Variants in RBFOX1 observed in about 807,000 individuals in gnomAD.
The protein encoded by RBFOX1 is RNA binding fox-1 homolog 1.
RBFOX1 carries 8 observed loss-of-function variants against 57.7 expected under a neutral mutation model. That is an observed-to-expected ratio of 0.14 (90% CI 0.08 to 0.25). The LOEUF (loss-of-function observed/expected upper bound fraction) is 0.25. Among genes scored for constraint, RBFOX1 ranks in the 10% least tolerant of loss-of-function variants. The probability of loss-of-function intolerance (pLI) is 1.00; values close to 1 mark genes in which losing one functional copy is unlikely to be tolerated. For missense variants in RBFOX1, 611 were observed against 548.5 expected (o/e 1.11, Z -1.14); for synonymous variants, 326 against 222.4 (o/e 1.47, Z -4.15).
chr16:7,692,091 C>A (rs73496960), intron 14 of RBFOX1, among the ~76,000 whole-genome samples: 2 of 152,064 alleles, frequency 1.3e-5, no homozygotes, highest in Non-Finnish European at 2.9e-5. Flanking sequence ...CATAGGGAAT[C>A]TGGGGCCAGA....
At chr16:5,507,313 C>G (rs530659808) in intron 2 of RBFOX1, among the ~76,000 whole-genome samples, 2 of 152,188 alleles carry the variant, frequency 1.3e-5, no homozygotes, top group South Asian at 2.1e-4. Flanking sequence ...TGTTGATTTT[C>G]TCTCACTGCT....
rs149415564 is a variant in RBFOX1 at position 5,977,486 on chromosome 16, T to C, written c.351+110151T>C. ...AGTTCGAAATGGAGAGACACGTACT[T>C]GGGGCCTTGCCAAGTCGCTCTGGAG... is the stretch of plus-strand genomic sequence containing the variant. On this transcript the variant is annotated intron_variant, in intron 4 of 19. Coordinates refer to the RBFOX1 transcript ENST00000641259. Among the ~76,000 whole-genome samples the C allele has an allele frequency of 4.1e-3, 619 of 152,220 alleles. 4 individuals carry two copies. Among genetic ancestry groups the C allele is most frequent in the African/African-American group, 0.013 (552 of 41,552 alleles).
At chr16:5,340,459 A>G (rs546908034) in intron 1 of RBFOX1, among the ~76,000 whole-genome samples, 1 of 152,352 alleles carries the variant, frequency 6.6e-6, no homozygotes, top group African/African-American at 2.4e-5. Context: ...ATGATCTGTC[A>G]GGGATTGCTG....
chr16:7,083,563 G>A (rs1471307493), intron 4 of RBFOX1, among the ~76,000 whole-genome samples: 3 of 152,100 alleles, frequency 2.0e-5, no homozygotes, highest in Non-Finnish European at 2.9e-5. Flanking sequence ...TTCTTTGTTG[G>A]CTTTCTCAGA....
chr16:5,519,070 T>A (rs1401266031), intron 2 of RBFOX1, among the ~76,000 whole-genome samples: 3 of 152,150 alleles, frequency 2.0e-5, no homozygotes, highest in African/African-American at 7.2e-5. Context: ...GAAGCCATCT[T>A]CAGGCCAAGG....
chr16:6,826,566 G>A (rs1171383944), intron 3 of RBFOX1, among the ~76,000 whole-genome samples: 3 of 152,098 alleles, frequency 2.0e-5, no homozygotes, highest in Non-Finnish European at 4.4e-5. Flanking sequence ...GCGGGCATGC[G>A]TGCTCTCACG....
intron 1 of RBFOX1, among the ~76,000 whole-genome samples, chr16:6,266,234 G>T (rs191546986): frequency 6.6e-6 from 1 of 152,138 alleles, no homozygotes; most frequent in Admixed American, 6.5e-5. Flanking sequence ...ATAGCTAAAA[G>T]ACAGCCAACA....
chr16:6,401,038 C>T (rs1318544913), intron 2 of RBFOX1, among the ~76,000 whole-genome samples: 2 of 152,130 alleles, frequency 1.3e-5, no homozygotes, highest in African/African-American at 4.8e-5. Context: ...GCACAACTAG[C>T]TCCCAGATCT....
At chr16:5,378,626 G>A (rs2066051609) in intron 1 of RBFOX1, among the ~76,000 whole-genome samples, 2 of 151,508 alleles carry the variant, frequency 1.3e-5, no homozygotes, top group African/African-American at 4.9e-5. Context: ...CATGAGAATG[G>A]CCCTGGGTAA....
intron 2 of RBFOX1, among the ~76,000 whole-genome samples, chr16:6,619,764 C>A (rs1021174114): frequency 2.7e-5 from 4 of 147,764 alleles, no homozygotes; most frequent in Non-Finnish European, 4.4e-5. Flanking sequence ...CATAGGTAAA[C>A]CTGTGTCATG....
chr16:7,117,881 A>G (rs2066259589), intron 4 of RBFOX1, among the ~76,000 whole-genome samples: 1 of 152,134 alleles, frequency 6.6e-6, no homozygotes, highest in Non-Finnish European at 1.5e-5. Context: ...TAGCTGCAGG[A>G]TTCGTGGCTG....
In RBFOX1 at chr16:6,019,125, G is replaced by C; in HGVS notation, c.-994G>C. 1.0e-6 allele frequency: 1 copy of C among 984,726 alleles called. No individual in the cohort carries two copies. The highest frequency in any genetic ancestry group is 4.7e-5 in the South Asian group (1 of 21,192). 61.0% of individuals were successfully genotyped at this position (984,726 alleles called of 1,614,324 possible). A position where few individuals can be genotyped will look rare whatever the true frequency, so the allele number is the denominator to read the frequency against. ...CACACACATGCACACATTTTCTCGC[G>C]CTCTCTCCGGCTCTCCTTTGTTTAT... On this transcript the variant is annotated 5_prime_UTR_variant, in exon 1 of 16. Transcript: ENST00000550418. The surrounding 1 kb of genome is among the most constrained non-coding windows in gnomAD (Gnocchi z 4.2).
At position 5,767,759 on chromosome 16, in the gene RBFOX1, C is replaced by G. The variant is rs541528557; in HGVS notation, c.319-99544C>G. On this transcript the variant is annotated intron_variant, in intron 3 of 19. Coordinates refer to the RBFOX1 transcript ENST00000641259. ...TGCTGTAATTAGATATTTAAAGACC[C>G]TCATTAGTTGCCTTTGCTGGGCCTA... Among the ~76,000 whole-genome samples, 6 of 152,222 alleles carry G rather than the reference C, an allele frequency of 3.9e-5. No homozygotes were observed. The South Asian group carries it at 1.0e-3, about 26-fold the overall frequency.
At chr16:6,389,207 C>T (rs1298132233) in intron 2 of RBFOX1, among the ~76,000 whole-genome samples, 2 of 152,096 alleles carry the variant, frequency 1.3e-5, no homozygotes, top group Admixed American at 6.5e-5. Context: ...TTCTTTTCTC[C>T]TTCATAGAGC....
At chr16:5,317,028 C>T (rs755041146) in intron 1 of RBFOX1, among the ~76,000 whole-genome samples, 1 of 152,134 alleles carries the variant, frequency 6.6e-6, no homozygotes, top group Admixed American at 6.5e-5. Context: ...GGTTCTGGAG[C>T]CTTTGGGCTC....
chr16:7,421,235 A>C (rs959305233), intron 4 of RBFOX1, among the ~76,000 whole-genome samples: 2 of 142,850 alleles, frequency 1.4e-5, no homozygotes, highest in Admixed American at 7.2e-5. Flanking sequence ...CAGAAAGACA[A>C]AGAGAGAGAG....
At chr16:6,655,354 A>T (rs1311468151) in intron 3 of RBFOX1, among the ~76,000 whole-genome samples, 1 of 133,760 alleles carries the variant, frequency 7.5e-6, no homozygotes, top group Non-Finnish European at 1.6e-5. Flanking sequence ...AGCCTGAGTG[A>T]CAAAATAAGC....
At position 5,998,014 on chromosome 16, in the gene RBFOX1, G is replaced by A. The variant is rs1259200647; in HGVS notation, c.351+130679G>A. Among the ~76,000 whole-genome samples the A allele has an allele frequency of 2.0e-5, 3 of 152,202 alleles. No homozygotes were observed. The East Asian group carries it at 5.8e-4, about 29-fold the overall frequency. ...TTGGAGTTAAGGATTTACCACTTCA[G>A]TTGGTGCCTCACCAGTTCCTCTTGG... On this transcript the variant is annotated intron_variant, in intron 4 of 19. Coordinates refer to the RBFOX1 transcript ENST00000641259.
rs80185337 is a variant in RBFOX1, at chr16:7,103,668, A to G, written c.27+51570A>G. On this transcript the variant is annotated intron_variant, in intron 4 of 15. Coordinates refer to ENST00000550418, the MANE Select transcript of RBFOX1 (RefSeq NM_018723.4). The stretch of plus-strand genomic sequence containing the variant: ...TTTGTTAAGTACATGTCTTGTTTAC[A>G]TAATAAAAATGACTTAAAGAAACGT... 9.9e-3 allele frequency among the ~76,000 whole-genome samples: 1,508 copies of G among 152,304 alleles called. 58 individuals carry two copies. In the East Asian group the frequency reaches 0.13, roughly 13 times the overall value.
Sources: allele counts gnomAD v4.1 joint callset (sites outside exome capture counted in the v4.1 genomes callset), GRCh38; gene constraint gnomAD v4.1.1; non-coding constraint Gnocchi (gnomAD v3.1); transcripts MANE v1.5; gene names NCBI Gene and HGNC (gene_info 2026-07-23, HGNC 2026-07-21).